Variants in ZNF721 observed in about 807,000 individuals in gnomAD.
ZNF721 encodes zinc finger protein 721.
Under a neutral mutation model 2.4 loss-of-function variants are expected in ZNF721, and 2 were observed. The ratio of observed to expected loss-of-function variants is 0.82; its 90% CI spans 0.34 to 2.58. The LOEUF is 2.58. Among genes scored for constraint, ZNF721 ranks in the 30% most tolerant of loss-of-function variants. ZNF721 has a pLI of 0.11. For missense variants in ZNF721, 1,187 were observed against 1,085.5 expected (o/e 1.09, Z -1.31); for synonymous variants, 398 against 381.8 (o/e 1.04, Z -0.50).
rs375033326 is a variant in ZNF721 at position 467,864 on chromosome 4, C to T, written c.34+4711G>A. On this transcript the variant is annotated intron_variant, in intron 2 of 2. Transcript: ENST00000511833. Reference sequence around the variant, plus strand: ...AAAAACTGTTCCCAGGGGCTGGGCGCGGTGGCTCACGCCTGTAAGCCCAGC... The same window carrying T: ...AAAAACTGTTCCCAGGGGCTGGGCGTGGTGGCTCACGCCTGTAAGCCCAGC... Among the ~76,000 whole-genome samples, 9 of 152,262 alleles carry T rather than the reference C, an allele frequency of 5.9e-5. No homozygotes were observed. The East Asian group carries it at 7.7e-4, about 13-fold the overall frequency.
intron 2 of ZNF721, among the ~76,000 whole-genome samples, chr4:446,718 A>G: frequency 6.7e-6 from 1 of 149,458 alleles, no homozygotes; most frequent in East Asian, 2.0e-4. Context: ...CTTTTTAGAC[A>G]GAGTCTCACT....
chr4:443,449 T>G lies in ZNF721; in HGVS notation c.1018A>C (p.Lys340Gln), dbSNP rs782248622. 10 of 1,612,158 alleles carry G rather than the reference T, an allele frequency of 6.2e-6. No individual in the cohort carries two copies. In the Middle Eastern group the frequency reaches 6.6e-4, roughly 107 times the overall value. Reference sequence around the variant, plus strand: ...AGGTTTGCGGACTGTCTAAAGGTTTTGCCACATTCTCCACATGTGTAGGGT... The same window carrying G: ...AGGTTTGCGGACTGTCTAAAGGTTTGGCCACATTCTCCACATGTGTAGGGT... ...EKPYTCGECGKTFRQSANLYV... is the reference protein window; with the variant it reads ...EKPYTCGECGQTFRQSANLYV... The change falls in exon 3 of 3, where the codon AAA (lysine) becomes CAA (glutamine). Residue 340 changes from lysine to glutamine, a missense_variant. Lys to Gln is a moderately conservative substitution (Grantham distance 53). Coordinates refer to ENST00000511833, the MANE Select transcript of ZNF721 (RefSeq NM_133474.4).
intron 1 of ZNF721, among the ~76,000 whole-genome samples, chr4:486,861 G>A (rs1429255018): frequency 2.6e-4 from 40 of 152,126 alleles, no homozygotes; most frequent in Admixed American, 1.9e-3. Context: ...ACCATTCCCT[G>A]GAGTGAATTA....
chr4:486,559 CT>C (rs1411095796), intron 1 of ZNF721, among the ~76,000 whole-genome samples: 1 of 152,148 alleles, frequency 6.6e-6, no homozygotes, highest in African/African-American at 2.4e-5. Flanking sequence ...GCATACTCTG[CT>C]GGTCGGCTAA....
chr4:456,157 G>A (rs1449154521), intron 2 of ZNF721, among the ~76,000 whole-genome samples: 1 of 151,850 alleles, frequency 6.6e-6, no homozygotes, highest in Non-Finnish European at 1.5e-5. Flanking sequence ...TGCAACCTCC[G>A]CCTCCCGGGT....
chr4:476,956 G>A (rs1326530288), intron 1 of ZNF721, among the ~76,000 whole-genome samples: 4 of 152,062 alleles, frequency 2.6e-5, no homozygotes, highest in Non-Finnish European at 5.9e-5. Flanking sequence ...GTTCTCCCAG[G>A]GTGCCACCTG....
At chr4:497,267 C>T (rs1036679619) in intron 1 of ZNF721, among the ~76,000 whole-genome samples, 11 of 151,796 alleles carry the variant, frequency 7.2e-5, no homozygotes, top group South Asian at 2.1e-4. Context: ...CACCGAAAAA[C>T]GTTGGAAGAT....
rs782156931 is a variant in ZNF721, at chr4:441,867, C to T, written c.2600G>A (p.Cys867Tyr). ...RIHTGEKPYT[C>Y]GECGKTFRQS... is the part of the protein sequence containing the mutation. ...TCTAAAGGTTTTGCCACATTCTCCACATGTGTAGGGTTTCTCTCCAGTATG... is the reference window on the plus strand; with the variant it reads ...TCTAAAGGTTTTGCCACATTCTCCATATGTGTAGGGTTTCTCTCCAGTATG... The change falls in exon 3 of 3, where the codon TGT becomes TAT. Residue 867 changes from cysteine to tyrosine, a missense_variant. By Grantham distance (194) the Cys-to-Tyr change is radical (BLOSUM62 -2). Transcript: ENST00000511833. 11 of 1,613,778 alleles carry T rather than the reference C, an allele frequency of 6.8e-6. No homozygotes were observed. The African/African-American group carries it at 1.3e-4, about 20-fold the overall frequency.
chr4:481,799 C>A (rs782313818), intron 1 of ZNF721, among the ~76,000 whole-genome samples: 2 of 152,210 alleles, frequency 1.3e-5, no homozygotes, highest in South Asian at 2.1e-4. Context: ...GGCTCAGTCT[C>A]ACAGACAAAC....
rs577031972 is a variant in ZNF721, at chr4:483,852, G to A, written c.-93-11151C>T. Reference sequence around the variant, plus strand: ...GTTTGAAATGGAGTCTTGCTCTGTCGCCAGGCTGGAGTGCAGTGGCACGAT... The same window carrying A: ...GTTTGAAATGGAGTCTTGCTCTGTCACCAGGCTGGAGTGCAGTGGCACGAT... On this transcript the variant is annotated intron_variant, in intron 1 of 2. Coordinates refer to ENST00000511833, the MANE Select transcript of ZNF721 (RefSeq NM_133474.4). Among the ~76,000 whole-genome samples the A allele has an allele frequency of 2.1e-4, 32 of 152,084 alleles. No homozygotes were observed. The South Asian group carries it at 5.4e-3, about 26-fold the overall frequency.
At chr4:470,800 A>G (rs1553867548) in intron 2 of ZNF721, among the ~76,000 whole-genome samples, 1 of 152,194 alleles carries the variant, frequency 6.6e-6, no homozygotes, top group African/African-American at 2.4e-5. Context: ...AGAGATCGAG[A>G]CCATCCTGGC....
intron 2 of ZNF721, among the ~76,000 whole-genome samples, chr4:468,949 C>T (rs1371289506): frequency 6.6e-6 from 1 of 152,106 alleles, no homozygotes; most frequent in Admixed American, 6.5e-5. Flanking sequence ...CAAAGCTCTC[C>T]TGCCTGCAAA....
intron 1 of ZNF721, among the ~76,000 whole-genome samples, chr4:479,454 G>A (rs1372810610): frequency 5.9e-5 from 9 of 152,176 alleles, no homozygotes; most frequent in African/African-American, 1.9e-4. Context: ...CACAGAAACA[G>A]CACAGATCCC....
chr4:445,134 A>G (rs566639855), intron 2 of ZNF721, among the ~76,000 whole-genome samples: 3 of 151,750 alleles, frequency 2.0e-5, no homozygotes, highest in Admixed American at 6.6e-5. Flanking sequence ...ACAGGCACCT[A>G]CCACCACGCC....
chr4:443,285 A>T lies in ZNF721; in HGVS notation c.1182T>A (p.Cys394Ter), dbSNP rs782807355. Residue 394 changes from cysteine (C) to a stop codon, truncating the protein, a stop_gained, in exon 3 of 3, where the codon TGT becomes TGA. Transcript: ENST00000511833. LOFTEE classifies it low-confidence loss of function (END_TRUNC). The part of the protein sequence containing the change: ...TGEKPYKCEE[C>*]GKAFNSSTNL... ...TTGTTGAACTATTAAAGGCTTTGCC[A>T]CACTCTTCACATTTGTAAGGTTTCT... The T allele has an allele frequency of 5.6e-6, 9 of 1,614,062 alleles. No individual in the cohort carries two copies. In the South Asian group the frequency reaches 9.9e-5, roughly 18 times the overall value.
At chr4:478,018 A>G (rs1553868867) in intron 1 of ZNF721, among the ~76,000 whole-genome samples, 1 of 152,220 alleles carries the variant, frequency 6.6e-6, no homozygotes, top group East Asian at 1.9e-4. Context: ...ACAAAGGCAG[A>G]CACTTAAGAC....
At chr4:492,079 T>C (rs1338291518) in intron 1 of ZNF721, among the ~76,000 whole-genome samples, 1 of 150,370 alleles carries the variant, frequency 6.7e-6, no homozygotes, top group Non-Finnish European at 1.5e-5. Flanking sequence ...AGGAGAATGG[T>C]GTGAACCAAG....
At position 482,565 on chromosome 4, in the gene ZNF721, C is replaced by T. The variant is rs1303013130; in HGVS notation, c.-93-9864G>A. Among the ~76,000 whole-genome samples the T allele has an allele frequency of 4.6e-5, 7 of 152,126 alleles. No homozygotes were observed. In the South Asian group the frequency reaches 8.3e-4, roughly 18 times the overall value. On this transcript the variant is annotated intron_variant, in intron 1 of 2. Coordinates refer to ENST00000511833, the MANE Select transcript of ZNF721 (RefSeq NM_133474.4). ...AGGTTGAAGTGAAGTGGCGTGATCT[C>T]GGCTCACTGCAACCTCTGCCTCCCA...
chr4:474,267 A>G (rs1715565425), intron 1 of ZNF721: 1 of 348,662 alleles, frequency 2.9e-6, no homozygotes. Context: ...CAGGCTTTGA[A>G]TGACAGAAAT....
Sources: allele counts gnomAD v4.1 joint callset (sites outside exome capture counted in the v4.1 genomes callset), GRCh38; gene constraint gnomAD v4.1.1; transcripts MANE v1.5; gene names NCBI Gene and HGNC (gene_info 2026-07-23, HGNC 2026-07-21).